Variants in KSR1 observed in about 807,000 individuals in gnomAD.
KSR1 encodes the protein kinase suppressor of ras.
Under a neutral mutation model 92.9 loss-of-function variants are expected in KSR1, and 35 were observed. The observed-to-expected ratio is 0.38, with a 90% CI of 0.29 to 0.50. The LOEUF is 0.50. Ranked by LOEUF, KSR1 falls within the 20% of genes least tolerant of loss-of-function variation. The probability of loss-of-function intolerance (pLI) is 0.94; values close to 1 mark genes in which losing one functional copy is unlikely to be tolerated. For synonymous variants in KSR1, 467 were observed against 472.6 expected, an observed-to-expected ratio of 0.99 and a Z score of 0.15; for missense variants, 972 against 1,158.5, an observed-to-expected ratio of 0.84 and a Z score of 2.34.
chr17:27,577,579 G>A lies in KSR1; in HGVS notation c.460G>A (p.Gly154Arg), dbSNP rs778898995. 35 of 1,603,896 alleles carry A rather than the reference G, an allele frequency of 2.2e-5. No homozygotes were observed. Among genetic ancestry groups the A allele is most frequent in the South Asian group, 5.6e-5 (5 of 89,618 alleles). ...GACGCTGCGGCGCTGTGGGGCCAGCGGGGATGAGTGTGGCCGTCTGCAGTA... is the reference window on the plus strand; with the variant it reads ...GACGCTGCGGCGCTGTGGGGCCAGCAGGGATGAGTGTGGCCGTCTGCAGTA... ...KETLRRCGAS[G>R]DECGRLQYAL... The change falls in exon 3 of 21, where the codon GGG (glycine) becomes AGG (arginine). Residue 154 changes from glycine to arginine, a missense_variant. By Grantham distance (125) the Gly-to-Arg change is moderately radical. Around this residue, in one of 5 missense-constraint regions of KSR1, gnomAD observed 611 missense variants for 668.0 expected, o/e 0.91. Coordinates refer to ENST00000644974, the MANE Select transcript of KSR1 (RefSeq NM_001394583.1). The surrounding 1 kb of genome is among the most constrained non-coding windows in gnomAD (Gnocchi z 4.5).
intron 1 of KSR1, chr17:27,526,332 T>A (rs1165828778): frequency 8.0e-7 from 1 of 1,249,430 alleles, no homozygotes; most frequent in African/African-American, 1.5e-5. Flanking sequence ...CAAGTCCATG[T>A]TCCAGACATT....
At chr17:27,521,554 C>G (rs1254964738) in intron 1 of KSR1, among the ~76,000 whole-genome samples, 1 of 152,126 alleles carries the variant, frequency 6.6e-6, no homozygotes, top group Non-Finnish European at 1.5e-5. Flanking sequence ...GCCTCAGCCT[C>G]TTGAGTAGCT....
At chr17:27,560,659 A>AGT (rs1329724803) in intron 2 of KSR1, among the ~76,000 whole-genome samples, 1 of 152,224 alleles carries the variant, frequency 6.6e-6, no homozygotes, top group African/African-American at 2.4e-5. Context: ...TGTATGAGGC[A>AGT]GTAGGATGTG....
At chr17:27,477,018 A>G (rs1277460633) in intron 1 of KSR1, among the ~76,000 whole-genome samples, 2 of 152,196 alleles carry the variant, frequency 1.3e-5, no homozygotes, top group East Asian at 3.8e-4. Context: ...TCTTGGTGAT[A>G]TGCTAAATAA....
chr17:27,610,554 G>C (rs547280951), intron 17 of KSR1, among the ~76,000 whole-genome samples: 1 of 152,186 alleles, frequency 6.6e-6, no homozygotes, highest in Admixed American at 6.5e-5. Context: ...CTCCCAGTCT[G>C]GGGGAGCTGG....
At chr17:27,616,123 G>T (rs1308926811) in intron 18 of KSR1, among the ~76,000 whole-genome samples, 1 of 152,168 alleles carries the variant, frequency 6.6e-6, no homozygotes, top group Non-Finnish European at 1.5e-5. Flanking sequence ...ACTGTTTTTA[G>T]TGAGGTCCCT....
chr17:27,596,399 A>G (rs2073346859), intron 9 of KSR1, among the ~76,000 whole-genome samples: 1 of 152,180 alleles, frequency 6.6e-6, no homozygotes, highest in Non-Finnish European at 1.5e-5. Flanking sequence ...AAGATGTCTC[A>G]CTAGGCACCA....
At position 27,472,789 on chromosome 17, in the gene KSR1, C is replaced by T. The variant is rs370021618; in HGVS notation, c.231+15915C>T. 4.0e-4 allele frequency among the ~76,000 whole-genome samples: 60 copies of T among 151,844 alleles called. No individual in the cohort carries two copies. In the South Asian group the frequency reaches 9.4e-3, roughly 24 times the overall value. On this transcript the variant is annotated intron_variant, in intron 1 of 20. Transcript: ENST00000644974. ...CTGCACTCTAGCCTAGGCAACAGAG[C>T]GAGACTCCATCTCAAAATGAAAATA...
rs950159655 is a variant in KSR1 at position 27,513,686 on chromosome 17, C to T, written c.232-36882C>T. On this transcript the variant is annotated intron_variant, in intron 1 of 20. Coordinates refer to ENST00000644974, the MANE Select transcript of KSR1 (RefSeq NM_001394583.1). ...GTTGTCTCTGAGCTTCTCTTGGGGA[C>T]GCATCGTTTTCCAGGTGTTGTGAGG... is the stretch of plus-strand genomic sequence containing the variant. Among the ~76,000 whole-genome samples the T allele has an allele frequency of 6.6e-5, 10 of 152,140 alleles. 1 individual carries two copies. Among genetic ancestry groups the T allele is most frequent in the South Asian group, 4.2e-4 (2 of 4,816 alleles).
intron 1 of KSR1, among the ~76,000 whole-genome samples, chr17:27,501,391 G>A (rs1338472741): frequency 1.4e-5 from 2 of 142,646 alleles, no homozygotes; most frequent in Non-Finnish European, 3.0e-5. Flanking sequence ...CTCAGCCTCA[G>A]GCTGCAGAAA....
chr17:27,494,448 T>C (rs555597299), intron 1 of KSR1, among the ~76,000 whole-genome samples: 2 of 152,098 alleles, frequency 1.3e-5, no homozygotes, highest in Admixed American at 6.5e-5. Context: ...TAGAATGTAT[T>C]TTTCCGCTGC....
At chr17:27,542,470 T>C (rs1215036421) in intron 1 of KSR1, among the ~76,000 whole-genome samples, 1 of 152,096 alleles carries the variant, frequency 6.6e-6, no homozygotes, top group Non-Finnish European at 1.5e-5. Context: ...AGGGTTAGGG[T>C]GACAACCTAT....
At position 27,559,940 on chromosome 17, in the gene KSR1, T is replaced by A. The variant is rs557562000; in HGVS notation, c.372+9232T>A. 7.9e-4 allele frequency among the ~76,000 whole-genome samples: 121 copies of A among 152,226 alleles called. No homozygotes were observed. The highest frequency in any genetic ancestry group is 3.4e-3 in the Middle Eastern group (1 of 294). On this transcript the variant is annotated intron_variant, in intron 2 of 20. Coordinates refer to ENST00000644974, the MANE Select transcript of KSR1 (RefSeq NM_001394583.1). This position sits in a 1 kb window ranked among gnomAD's most constrained non-coding sequence, Gnocchi z 4.2. ...TCTTAGGGGATATTGGAAGTGTGTG[T>A]GAGAGAGGGGCAGGAATTCCAAATG...
chr17:27,564,550 C>T (rs1422988820), intron 2 of KSR1, among the ~76,000 whole-genome samples: 5 of 152,182 alleles, frequency 3.3e-5, no homozygotes, highest in South Asian at 2.1e-4. Context: ...AGGCTTGCTC[C>T]GCATGGCAGG....
At chr17:27,470,399 G>A (rs1415212046) in intron 1 of KSR1, among the ~76,000 whole-genome samples, 1 of 151,608 alleles carries the variant, frequency 6.6e-6, no homozygotes, top group Non-Finnish European at 1.5e-5. Flanking sequence ...CCGCCACCAC[G>A]CCCAGCTAAT....
At chr17:27,509,298 T>G (rs1251774183) in intron 1 of KSR1, among the ~76,000 whole-genome samples, 10 of 151,828 alleles carry the variant, frequency 6.6e-5, no homozygotes, top group East Asian at 3.9e-4. Flanking sequence ...ATCTTTTTTT[T>G]TTGTTTTTTT....
chr17:27,457,766 G>C (rs1567731759), intron 1 of KSR1, among the ~76,000 whole-genome samples: 2 of 152,148 alleles, frequency 1.3e-5, no homozygotes, highest in Non-Finnish European at 2.9e-5. Flanking sequence ...GCCAGGGACG[G>C]GGCGGTGAAA....
At chr17:27,468,203 T>G (rs1348633475) in intron 1 of KSR1, among the ~76,000 whole-genome samples, 3 of 151,998 alleles carry the variant, frequency 2.0e-5, no homozygotes, top group African/African-American at 7.2e-5. Flanking sequence ...GTGTAGTGAT[T>G]ACCCAGCTTC....
chr17:27,585,061 C>T (rs373833235), intron 4 of KSR1, among the ~76,000 whole-genome samples: 27 of 152,322 alleles, frequency 1.8e-4, no homozygotes, highest in East Asian at 1.7e-3. Flanking sequence ...CTCAGCCTCC[C>T]GAGTAGCTGG....
Sources: allele counts gnomAD v4.1 joint callset (sites outside exome capture counted in the v4.1 genomes callset), GRCh38; gene constraint gnomAD v4.1.1; regional missense constraint gnomAD v4.1.1; non-coding constraint Gnocchi (gnomAD v3.1); transcripts MANE v1.5; gene names NCBI Gene and HGNC (gene_info 2026-07-23, HGNC 2026-07-21).